Variants in HCN4 observed in about 807,000 individuals in gnomAD.
HCN4 encodes potassium/sodium hyperpolarization-activated cyclic nucleotide-gated channel 4.
In HCN4, 29 loss-of-function variants were observed where a neutral mutation model predicts 76.9. The observed-to-expected ratio is 0.38, with a 90% CI of 0.28 to 0.51. HCN4 has a LOEUF of 0.51. HCN4 is among the 20% of genes least tolerant of loss of function. The pLI is 0.90. For synonymous variants in HCN4, 772 were observed against 762.5 expected, an observed-to-expected ratio of 1.01 and a Z score of -0.21; for missense variants, 1,416 against 1,715.2, an observed-to-expected ratio of 0.83 and a Z score of 3.08.
At chr15:73,338,235 G>C (rs2042978185) in intron 2 of HCN4, among the ~76,000 whole-genome samples, 1 of 152,206 alleles carries the variant, frequency 6.6e-6, no homozygotes, top group African/African-American at 2.4e-5. Context: ...AGTTGCACCA[G>C]GCAAATATTT....
rs993526958 is a variant in HCN4, at chr15:73,320,405, C to G, written c.*2076G>C. ...CGGTTTGTCTCACATCCCAGGATAGCTCAAGGCAAAACCCGATCTTGCCAA... is the reference window on the plus strand; with the variant it reads ...CGGTTTGTCTCACATCCCAGGATAGGTCAAGGCAAAACCCGATCTTGCCAA... On this transcript the variant is annotated 3_prime_UTR_variant, in exon 8 of 8. Coordinates refer to ENST00000261917, the MANE Select transcript of HCN4 (RefSeq NM_005477.3). 1 of 152,300 alleles carries G rather than the reference C, an allele frequency of 6.6e-6. No homozygotes were observed. Among genetic ancestry groups the G allele is most frequent in the African/African-American group, 2.4e-5 (1 of 41,454 alleles). The allele number at this position is 152,300 out of a possible 1,614,324, so 9.4% of individuals were successfully genotyped here.
chr15:73,337,721 G>A (rs931314053), intron 2 of HCN4, among the ~76,000 whole-genome samples: 6 of 152,188 alleles, frequency 3.9e-5, no homozygotes, highest in African/African-American at 9.7e-5. Flanking sequence ...TGACAGTGAC[G>A]AGAATGGTGG....
intron 2 of HCN4, 56 bp from the exon 3 acceptor site, chr15:73,332,348 C>A: frequency 6.4e-7 from 1 of 1,564,954 alleles, no homozygotes; most frequent in Non-Finnish European, 8.8e-7. Context: ...GGAGGGCCAG[C>A]GGCCACTTTC....
At chr15:73,334,198 G>A (rs571480966) in intron 2 of HCN4, among the ~76,000 whole-genome samples, 29 of 152,200 alleles carry the variant, frequency 1.9e-4, no homozygotes, top group Non-Finnish European at 4.1e-4. Flanking sequence ...GGCTGTCAGC[G>A]TTTGAGCTCC....
chr15:73,355,779 A>G (rs550942786), intron 1 of HCN4, among the ~76,000 whole-genome samples: 2 of 152,066 alleles, frequency 1.3e-5, no homozygotes, highest in Non-Finnish European at 2.9e-5. Context: ...ACACACACAC[A>G]CCGCCAAACT....
Position 73,367,926 on chromosome 15 carries a change from G to A in HCN4, c.345C>T (p.Ser115=), listed in dbSNP as rs868403300. ...CATGCAGGTGTCCGTGACTGCTGCC[G>A]CTCCCCGTGCCGCCGCTGCCGCCGC... is the stretch of plus-strand genomic sequence containing the variant. ...SRGGGSGGTG[S]GSSHGHLHDS... The change falls in exon 1 of 8, where the codon AGC becomes AGT. Residue 115 remains serine, a synonymous_variant. Transcript: ENST00000261917. This position sits in a 1 kb window ranked among gnomAD's most constrained non-coding sequence, Gnocchi z 7.5. 3 of 1,369,948 alleles carry A rather than the reference G, an allele frequency of 2.2e-6. No homozygotes were observed. The highest frequency in any genetic ancestry group is 5.9e-5 in the Admixed American group (2 of 34,038). 84.9% of individuals were successfully genotyped at this position (1,369,948 alleles called of 1,614,324 possible). A position where few individuals can be genotyped will look rare whatever the true frequency, so the allele number is the denominator to read the frequency against.
At chr15:73,341,995 C>T (rs936752385) in intron 2 of HCN4, among the ~76,000 whole-genome samples, 5 of 152,192 alleles carry the variant, frequency 3.3e-5, no homozygotes, top group South Asian at 2.1e-4. Context: ...GTCAGCCACG[C>T]GGCACAGGGA....
chr15:73,320,286 G>A lies in HCN4; in HGVS notation c.*2195C>T, dbSNP rs1343539218. 1 of 152,254 alleles carries A rather than the reference G, an allele frequency of 6.6e-6. No homozygotes were observed. Among genetic ancestry groups the A allele is most frequent in the East Asian group, 1.9e-4 (1 of 5,186 alleles). The allele number at this position is 152,254 out of a possible 1,614,324, so 9.4% of individuals were successfully genotyped here. A position where few individuals can be genotyped will look rare whatever the true frequency, so the allele number is the denominator to read the frequency against. On this transcript the variant is annotated 3_prime_UTR_variant, in exon 8 of 8. Transcript: ENST00000261917. Reference sequence around the variant, plus strand: ...AGCACAGTAGAGACCAGTACTAGGCGGCGTCTAGTCTTTACCTAAGATCCC... The same window carrying A: ...AGCACAGTAGAGACCAGTACTAGGCAGCGTCTAGTCTTTACCTAAGATCCC...
At position 73,323,648 on chromosome 15, in the gene HCN4, G is replaced by A. The variant is rs1415815240; in HGVS notation, c.2445C>T (p.Gly815=). Residue 815 remains glycine, a synonymous_variant, in exon 8 of 8, where the codon GGC becomes GGT. Transcript: ENST00000261917. ...TTGGCGTCTGCCCGGCACCGAGGTT[G>A]CCCAGCCCAGATCCTGGGGGAGGGC... ...IFRPPPGSGL[G]NLGAGQTPRH... The A allele has an allele frequency of 6.3e-7, 1 of 1,596,142 alleles. No individual in the cohort carries two copies.
In HCN4 at chr15:73,325,387, G is replaced by A. The variant is rs150691273; in HGVS notation, c.1648C>T (p.Arg550Cys). The change falls in exon 5 of 8, where the codon CGC (arginine) becomes TGC (cysteine). Residue 550 changes from arginine to cysteine, a missense_variant. Physicochemically the swap from Arg to Cys is radical, Grantham distance 180 (BLOSUM62 -3). Around this residue, in one of 6 missense-constraint regions of HCN4, gnomAD observed 241 missense variants for 379.4 expected, o/e 0.64. Transcript: ENST00000261917. The surrounding 1 kb of genome is among the most constrained non-coding windows in gnomAD (Gnocchi z 7.4). ...CGGTGCTCGTAGTAGTCGTGGATGC[G>A]CTGCCGGGTGTCGGGCGGGAGCTTG... ...FHKLPPDTRQ[R>C]IHDYYEHRYQ... The A allele has an allele frequency of 8.7e-6, 14 of 1,614,002 alleles. No individual in the cohort carries two copies. The highest frequency in any genetic ancestry group is 3.3e-4 in the Middle Eastern group (2 of 6,084).
At position 73,323,818 on chromosome 15, in the gene HCN4, C is replaced by T. The variant is rs62641689; in HGVS notation, c.2275G>A (p.Val759Ile). Residue 759 changes from valine (V) to isoleucine (I), a missense_variant, in exon 8 of 8, where the codon GTC becomes ATC. Val to Ile is a conservative substitution (Grantham distance 29). Around this residue, in one of 6 missense-constraint regions of HCN4, gnomAD observed 241 missense variants for 379.4 expected, o/e 0.64. Transcript: ENST00000261917. Reference sequence around the variant, plus strand: ...GGGGTGGCAGAGGCAGCAGCCTGGACGCGGTGCGCGCAGTGGGCCATCTCC... The same window carrying T: ...GGGGTGGCAGAGGCAGCAGCCTGGATGCGGTGCGCGCAGTGGGCCATCTCC... The part of the protein sequence containing the change: ...DREMAHCAHR[V>I]QAAASATPTP... 6,318 of 1,606,484 alleles carry T rather than the reference C, an allele frequency of 3.9e-3. 22 individuals carry two copies. Among genetic ancestry groups the T allele is most frequent in the Non-Finnish European group, 4.8e-3 (5,622 of 1,179,812 alleles).
intron 6 of HCN4, among the ~76,000 whole-genome samples, 164 bp from the exon 7 acceptor site, chr15:73,324,417 AT>A (rs2042886552): frequency 6.6e-6 from 1 of 152,130 alleles, no homozygotes; most frequent in South Asian, 2.1e-4. Context: ...TCCCCACCAA[AT>A]GGGGGCTGGA....
intron 2 of HCN4, among the ~76,000 whole-genome samples, chr15:73,340,823 A>G (rs571200837): frequency 1.3e-5 from 2 of 152,374 alleles, no homozygotes; most frequent in African/African-American, 4.8e-5. Context: ...GAGGGGCCCC[A>G]GCCATGAAAG....
chr15:73,326,429 C>A (rs767137442), intron 4 of HCN4, among the ~76,000 whole-genome samples: 1 of 152,336 alleles, frequency 6.6e-6, no homozygotes, highest in East Asian at 1.9e-4. Flanking sequence ...CCAAGTTATG[C>A]AAAGTCCCAG....
At chr15:73,332,330 AGTGG>A in intron 2 of HCN4, 38 bp from the exon 3 acceptor site, 1 of 1,608,304 alleles carries the variant, frequency 6.2e-7, no homozygotes, top group Non-Finnish European at 8.5e-7. Context: ...GGGATAGGTG[AGTGG>A]CCAGGAGGGC....
At chr15:73,352,040 G>T (rs1232132469) in intron 1 of HCN4, among the ~76,000 whole-genome samples, 1 of 152,202 alleles carries the variant, frequency 6.6e-6, no homozygotes, top group Non-Finnish European at 1.5e-5. Flanking sequence ...AGGAAATCTG[G>T]TTAACTGCCC....
intron 1 of HCN4, among the ~76,000 whole-genome samples, chr15:73,353,014 ATG>A (rs2043061819): frequency 1.3e-5 from 2 of 151,594 alleles, no homozygotes; most frequent in African/African-American, 2.4e-5. Flanking sequence ...AGATGGATGG[ATG>A]GATGGATGGA....
intron 4 of HCN4, among the ~76,000 whole-genome samples, chr15:73,327,669 A>G (rs1184101543): frequency 6.6e-6 from 1 of 151,410 alleles, no homozygotes; most frequent in African/African-American, 2.4e-5. Context: ...TGCCTTCTCT[A>G]CCTCCCTAGG....
At position 73,343,504 on chromosome 15, in the gene HCN4, C is replaced by G. The variant is rs151004999; in HGVS notation, c.1090G>C (p.Asp364His). Residue 364 changes from aspartate to histidine, a missense_variant, in exon 2 of 8, where the codon GAC (aspartate) becomes CAC (histidine). Physicochemically the swap from Asp to His is moderately conservative, Grantham distance 81. Around this residue, in one of 6 missense-constraint regions of HCN4, gnomAD observed 112 missense variants for 259.9 expected, o/e 0.43. Transcript: ENST00000261917. The surrounding 1 kb of genome is among the most constrained non-coding windows in gnomAD (Gnocchi z 5.7). ...YIFLIVETRI[D>H]SEVYKTARAL... ...CGGGCAGTCTTGTAGACCTCCGAGT[C>G]GATGCGTGTCTCCACAATGAGGAAG... 1 of 1,614,038 alleles carries G rather than the reference C, an allele frequency of 6.2e-7. No individual in the cohort carries two copies. Among genetic ancestry groups the G allele is most frequent in the African/African-American group, 1.3e-5 (1 of 74,898 alleles).
Sources: gnomAD v4.1 joint callset for allele counts (sites outside exome capture counted in the v4.1 genomes callset) on GRCh38, gnomAD v4.1.1 for gene constraint, gnomAD v4.1.1 regional missense constraint, Gnocchi (gnomAD v3.1) non-coding constraint, MANE v1.5 for transcripts, NCBI Gene and HGNC (gene_info 2026-07-23, HGNC 2026-07-21) for gene names.